PPM1A: variants seen among roughly 807,000 people sequenced by gnomAD.
PPM1A encodes the protein protein phosphatase 1A.
In PPM1A, 7 loss-of-function variants were observed where a neutral mutation model predicts 35.0. The observed-to-expected ratio is 0.20, with a 90% CI of 0.11 to 0.38. The LOEUF (loss-of-function observed/expected upper bound fraction) is 0.38. Ranked by LOEUF, PPM1A falls within the 10% of genes least tolerant of loss-of-function variation. PPM1A has a pLI of 1.00. For synonymous variants in PPM1A, 153 were observed against 167.3 expected (o/e 0.91, Z 0.66); for missense variants, 239 against 467.8 (o/e 0.51, Z 4.51).
upstream of PPM1A, among the ~76,000 whole-genome samples, chr14:60,248,993 G>GGCAGCA (rs1174932637): frequency 6.6e-6 from 1 of 152,168 alleles, no homozygotes; most frequent in Non-Finnish European, 1.5e-5. Context: ...CAAAGGCGGC[G>GGCAGCA]GCAGCAGCAG....
chr14:60,271,947 G>A (rs1210511358), intron 1 of PPM1A, among the ~76,000 whole-genome samples: 2 of 151,948 alleles, frequency 1.3e-5, no homozygotes, highest in African/African-American at 2.4e-5. Flanking sequence ...TTATTGATGA[G>A]GAAAGTTAGA....
At chr14:60,245,830 G>C, upstream of PPM1A, 2 of 1,562,680 alleles carry the variant, frequency 1.3e-6, no homozygotes, top group Non-Finnish European at 1.7e-6. This position sits in a 1 kb window ranked among gnomAD's most constrained non-coding sequence, Gnocchi z 4.2. Flanking sequence ...AATTCATTTA[G>C]GGGCACTGTC....
In PPM1A at chr14:60,283,836, G is replaced by A. The variant is rs1886652179; in HGVS notation, c.834+299G>A. Among the ~76,000 whole-genome samples, 1 of 152,170 alleles carries A rather than the reference G, an allele frequency of 6.6e-6. No individual in the cohort carries two copies. Among genetic ancestry groups the A allele is most frequent in the Admixed American group, 6.5e-5 (1 of 15,282 alleles). ...AGAGTGCATGTTTTGAAAGAAAGAG[G>A]GTGGGGAGGGTTAGGCCTCAGTGTC... is the stretch of plus-strand genomic sequence containing the variant. On this transcript the variant is annotated intron_variant, in intron 2 of 5. Coordinates refer to ENST00000395076, the MANE Select transcript of PPM1A (RefSeq NM_021003.5). This position sits in a 1 kb window ranked among gnomAD's most constrained non-coding sequence, Gnocchi z 6.3.
chr14:60,256,841 A>G (rs1053488063), intron 1 of PPM1A: 1 of 152,216 alleles, frequency 6.6e-6, no homozygotes, highest in Non-Finnish European at 1.5e-5. Flanking sequence ...TTGTTGATCC[A>G]TGCGGTTTCA....
chr14:60,248,339 T>G (rs1881926023), upstream of PPM1A, among the ~76,000 whole-genome samples: 1 of 152,136 alleles, frequency 6.6e-6, no homozygotes, highest in Admixed American at 6.5e-5. Flanking sequence ...TCATTGGAGG[T>G]CGTTGGAGGT....
Position 60,293,512 on chromosome 14 carries a change from C to G in PPM1A, c.*1030C>G, listed in dbSNP as rs546544905. 6.6e-6 allele frequency: 1 copy of G among 151,970 alleles called. No homozygotes were observed. The highest frequency in any genetic ancestry group is 1.5e-5 in the Non-Finnish European group (1 of 67,928). The allele number at this position is 151,970 out of a possible 1,614,324, so 9.4% of individuals were successfully genotyped here. On this transcript the variant is annotated 3_prime_UTR_variant, in exon 6 of 6. Coordinates refer to ENST00000395076, the MANE Select transcript of PPM1A (RefSeq NM_021003.5). The surrounding 1 kb of genome is among the most constrained non-coding windows in gnomAD (Gnocchi z 4.0). ...TGAAACTTTCCTTCCATTAGAAAGACTAAAAGATTTAATTCTTGGTTGTAC... is the reference window on the plus strand; with the variant it reads ...TGAAACTTTCCTTCCATTAGAAAGAGTAAAAGATTTAATTCTTGGTTGTAC...
chr14:60,286,102 A>T (rs576510043), intron 3 of PPM1A: 1 of 990,078 alleles, frequency 1.0e-6, no homozygotes, highest in South Asian at 4.7e-5. Context: ...TGTGATGGTG[A>T]TAATTTGAAT....
intron 1 of PPM1A, among the ~76,000 whole-genome samples, chr14:60,265,320 T>C (rs1884245833): frequency 6.6e-6 from 1 of 152,154 alleles, no homozygotes; most frequent in Admixed American, 6.5e-5. Context: ...CCACCCTAGG[T>C]ATTGGTTTCA....
At chr14:60,275,705 CA>C (rs1166041112) in intron 1 of PPM1A, among the ~76,000 whole-genome samples, 1 of 152,138 alleles carries the variant, frequency 6.6e-6, no homozygotes, top group Non-Finnish European at 1.5e-5. Context: ...GAACTGCCCT[CA>C]AGTGGTCCTC....
At chr14:60,253,004 CTT>C (rs1882627319) in intron 1 of PPM1A, among the ~76,000 whole-genome samples, 1 of 152,184 alleles carries the variant, frequency 6.6e-6, no homozygotes, top group Non-Finnish European at 1.5e-5. Context: ...ATGTAATAGA[CTT>C]TATAATTTTT....
At chr14:60,257,223 T>G (rs1883236189) in intron 1 of PPM1A, among the ~76,000 whole-genome samples, 1 of 152,278 alleles carries the variant, frequency 6.6e-6, no homozygotes, top group African/African-American at 2.4e-5. Flanking sequence ...TCTCAGTGAG[T>G]CTGAGAAGAT....
intron 1 of PPM1A, among the ~76,000 whole-genome samples, chr14:60,278,613 G>A (rs1297956598): frequency 1.3e-5 from 2 of 152,150 alleles, no homozygotes; most frequent in African/African-American, 4.8e-5. Context: ...CTTCTTCTGT[G>A]TGTTAGGCTG....
chr14:60,286,506 G>C, intron 3 of PPM1A: 1 of 985,154 alleles, frequency 1.0e-6, no homozygotes, highest in South Asian at 4.7e-5. Flanking sequence ...GAAAATGCTG[G>C]TGAGCTGAGG....
At chr14:60,286,303 G>A (rs182864295) in intron 3 of PPM1A, 82 of 985,752 alleles carry the variant, frequency 8.3e-5, no homozygotes, top group Admixed American at 6.8e-4. Flanking sequence ...CTCAATAAAA[G>A]ACATAATATT....
In PPM1A at chr14:60,292,770, A is replaced by G. The variant is rs956000898; in HGVS notation, c.*288A>G. 1 of 304,372 alleles carries G rather than the reference A, an allele frequency of 3.3e-6. No homozygotes were observed. Among genetic ancestry groups the G allele is most frequent in the Non-Finnish European group, 6.1e-6 (1 of 164,402 alleles). The allele number at this position is 304,372 out of a possible 1,614,324, so 18.9% of individuals were successfully genotyped here. A position where few individuals can be genotyped will look rare whatever the true frequency, so the allele number is the denominator to read the frequency against. ...TGATTTTGTTTTTTTGTAAAGTGTA[A>G]TTGTCCTTGTACAAAATGCTCATAT... On this transcript the variant is annotated 3_prime_UTR_variant, in exon 6 of 6. Transcript: ENST00000395076. This position sits in a 1 kb window ranked among gnomAD's most constrained non-coding sequence, Gnocchi z 4.2.
At chr14:60,284,510 C>T (rs1434880942) in intron 2 of PPM1A, among the ~76,000 whole-genome samples, 3 of 151,664 alleles carry the variant, frequency 2.0e-5, no homozygotes, top group East Asian at 3.9e-4. Context: ...GGTGTGGTGG[C>T]GGGCGCCTGT....
chr14:60,270,630 T>C (rs1884966750), intron 1 of PPM1A, among the ~76,000 whole-genome samples: 1 of 152,236 alleles, frequency 6.6e-6, no homozygotes, highest in Admixed American at 6.5e-5. Flanking sequence ...CATATTTCAT[T>C]ATTTTTGAGA....
At chr14:60,267,816 C>T (rs1884570707) in intron 1 of PPM1A, among the ~76,000 whole-genome samples, 3 of 152,014 alleles carry the variant, frequency 2.0e-5, no homozygotes, top group South Asian at 4.1e-4. Context: ...AGACTTTTTT[C>T]CCTGTGTATG....
chr14:60,260,084 A>G (rs1051244944), intron 1 of PPM1A, among the ~76,000 whole-genome samples: 1 of 152,084 alleles, frequency 6.6e-6, no homozygotes, highest in Non-Finnish European at 1.5e-5. Context: ...AGTACTTTTA[A>G]TTTAGCAAAG....
Sources: gnomAD v4.1 joint callset for allele counts (sites outside exome capture counted in the v4.1 genomes callset) on GRCh38, gnomAD v4.1.1 for gene constraint, Gnocchi (gnomAD v3.1) non-coding constraint, MANE v1.5 for transcripts, NCBI Gene and HGNC (gene_info 2026-07-23, HGNC 2026-07-21) for gene names.